The following ITPR3 variants were observed in gnomAD, a reference collection of about 807,000 sequenced individuals.
The protein encoded by ITPR3 is inositol 1,4,5-trisphosphate receptor type 3.
In ITPR3, 173 loss-of-function variants were observed where a neutral mutation model predicts 293.2. The ratio of observed to expected loss-of-function variants is 0.59; its 90% CI spans 0.52 to 0.67. ITPR3 has a LOEUF of 0.67. Among genes scored for constraint, ITPR3 ranks in the 30% least tolerant of loss-of-function variants. The pLI is 0.00. For missense variants in ITPR3, 2,796 were observed against 3,592.1 expected, an observed-to-expected ratio of 0.78 and a Z score of 5.66; for synonymous variants, 1,295 against 1,444.4, an observed-to-expected ratio of 0.90 and a Z score of 2.35.
At position 33,666,056 on chromosome 6, in the gene ITPR3, G is replaced by T. The variant is rs1764602148; in HGVS notation, c.1551+80G>T. ...GCCTTCAACTGCAGGCTCATCCCCCGCTTTAACAAAAATCAGTATATATGG... is the reference window on the plus strand; with the variant it reads ...GCCTTCAACTGCAGGCTCATCCCCCTCTTTAACAAAAATCAGTATATATGG... On this transcript the variant is annotated intron_variant, in intron 14 of 57. Coordinates refer to ENST00000605930, the MANE Select transcript of ITPR3 (RefSeq NM_002224.4). The surrounding 1 kb of genome is among the most constrained non-coding windows in gnomAD (Gnocchi z 5.1). 3.3e-6 allele frequency: 5 copies of T among 1,498,632 alleles called. No individual in the cohort carries two copies. In the South Asian group the frequency reaches 6.2e-5, roughly 18 times the overall value. 92.8% of individuals were successfully genotyped at this position (1,498,632 alleles called of 1,614,324 possible).
Position 33,666,118 on chromosome 6 carries a change from C to T in ITPR3, c.1551+142C>T. The T allele has an allele frequency of 1.1e-6, 1 of 941,390 alleles. No homozygotes were observed. The highest frequency in any genetic ancestry group is 1.5e-6 in the Non-Finnish European group (1 of 655,232). The allele number at this position is 941,390 out of a possible 1,614,324, so 58.3% of individuals were successfully genotyped here. ...GTGCCAGGGACTTCCCTAAGTACCCCACATGTGTTGACGAATTTGATCCTC... is the reference window on the plus strand; with the variant it reads ...GTGCCAGGGACTTCCCTAAGTACCCTACATGTGTTGACGAATTTGATCCTC... On this transcript the variant is annotated intron_variant, in intron 14 of 57. Coordinates refer to ENST00000605930, the MANE Select transcript of ITPR3 (RefSeq NM_002224.4). The surrounding 1 kb of genome is among the most constrained non-coding windows in gnomAD (Gnocchi z 5.1).
chr6:33,680,528 C>T, intron 32 of ITPR3, 27 bp from the exon 33 acceptor site: 1 of 1,611,892 alleles, frequency 6.2e-7, no homozygotes, highest in Non-Finnish European at 8.5e-7. Flanking sequence ...GTGAGGAGCC[C>T]CCAGCCATCC....
At chr6:33,690,244 G>C in intron 51 of ITPR3, 46 bp downstream of exon 51, 1 of 1,475,612 alleles carries the variant, frequency 6.8e-7, no homozygotes, top group Non-Finnish European at 9.4e-7. Flanking sequence ...GCATGGGGTG[G>C]TTGGGGCTTC....
At position 33,678,794 on chromosome 6, in the gene ITPR3, C is replaced by T. The variant is rs760674810; in HGVS notation, c.3927C>T (p.Ala1309=). Reference sequence around the variant, plus strand: ...ACTTCCTGCACACCGTCATTAAGGCCGAGGGCAAGTACGTCAAGAAGTGCC... The same window carrying T: ...ACTTCCTGCACACCGTCATTAAGGCTGAGGGCAAGTACGTCAAGAAGTGCC... ...YLDFLHTVIK[A]EGKYVKKCQD... Residue 1309 remains alanine, a synonymous_variant, in exon 30 of 58, where the codon GCC becomes GCT. Coordinates refer to ENST00000605930, the MANE Select transcript of ITPR3 (RefSeq NM_002224.4). The T allele has an allele frequency of 1.1e-5, 17 of 1,613,316 alleles. No homozygotes were observed. Among genetic ancestry groups the T allele is most frequent in the Middle Eastern group, 1.6e-4 (1 of 6,084 alleles).
intron 2 of ITPR3, among the ~76,000 whole-genome samples, chr6:33,644,025 A>G (rs1007255879): frequency 2.0e-5 from 3 of 152,162 alleles, no homozygotes; most frequent in Non-Finnish European, 4.4e-5. Flanking sequence ...CCCTGTCTCT[A>G]CTAAGAACAC....
Position 33,672,911 on chromosome 6 carries a change from G to A in ITPR3, c.2929-680G>A, listed in dbSNP as rs557324750. Among the ~76,000 whole-genome samples, 1 of 152,304 alleles carries A rather than the reference G, an allele frequency of 6.6e-6. No homozygotes were observed. Among genetic ancestry groups the A allele is most frequent in the South Asian group, 2.1e-4 (1 of 4,830 alleles). ...ACACCCCAGGAAGGGGCTCATCCCC[G>A]AGGAGGGATGAGGATGCTTGCTTTT... On this transcript the variant is annotated intron_variant, in intron 22 of 57. Transcript: ENST00000605930. This position sits in a 1 kb window ranked among gnomAD's most constrained non-coding sequence, Gnocchi z 5.0.
intron 1 of ITPR3, among the ~76,000 whole-genome samples, chr6:33,623,415 C>T (rs1159225541): frequency 1.3e-5 from 2 of 150,826 alleles, no homozygotes; most frequent in African/African-American, 2.4e-5. Context: ...CAGCCTCGAC[C>T]TCTGGGGTTC....
At chr6:33,660,447 A>T (rs545884639) in intron 7 of ITPR3, among the ~76,000 whole-genome samples, 3 of 150,692 alleles carry the variant, frequency 2.0e-5, no homozygotes, top group Admixed American at 6.6e-5. Context: ...TCAGTCCCCC[A>T]CCCTCCTCAT....
chr6:33,669,825 C>T (rs1764709138), intron 18 of ITPR3, among the ~76,000 whole-genome samples: 1 of 152,208 alleles, frequency 6.6e-6, no homozygotes, highest in African/African-American at 2.4e-5. Flanking sequence ...AGCCAGGGCC[C>T]ACACCCAGGC....
intron 7 of ITPR3, 127 bp downstream of exon 7, chr6:33,659,676 C>A: frequency 1.4e-6 from 1 of 718,258 alleles, no homozygotes; most frequent in Non-Finnish European, 2.4e-6. Context: ...CACCCCCCAG[C>A]CTCCCTCCAC....
At position 33,689,073 on chromosome 6, in the gene ITPR3, C is replaced by T. The variant is rs2296738; in HGVS notation, c.6695-165C>T. ...GTAGCCGCAGCCGGACAGGGCCTCC[C>T]GCTTAGGCCTGAGAGGCAGGTGTAA... On this transcript the variant is annotated intron_variant, in intron 49 of 57. Transcript: ENST00000605930. 0.43 allele frequency among the ~76,000 whole-genome samples: 65,613 copies of T among 152,246 alleles called. 16,677 individuals carry two copies. Among genetic ancestry groups the T allele is most frequent in the East Asian group, 0.89 (4,609 of 5,174 alleles).
In ITPR3 at chr6:33,680,093, A is replaced by G. The variant is rs765261093; in HGVS notation, c.4184A>G (p.Asp1395Gly). 1 of 1,613,574 alleles carries G rather than the reference A, an allele frequency of 6.2e-7. No homozygotes were observed. Among genetic ancestry groups the G allele is most frequent in the East Asian group, 2.2e-5 (1 of 44,880 alleles). Reference protein sequence around the residue: ...IKCTSLLPLEDVVSVVTHEDC... With the variant: ...IKCTSLLPLEGVVSVVTHEDC... ...TGCACCTCCCTGCTGCCGCTGGAGGACGTGGTGTCTGTGGTGACGCATGAG... is the reference window on the plus strand; with the variant it reads ...TGCACCTCCCTGCTGCCGCTGGAGGGCGTGGTGTCTGTGGTGACGCATGAG... Residue 1395 changes from aspartate (D) to glycine (G), a missense_variant, in exon 31 of 58, where the codon GAC becomes GGC. Transcript: ENST00000605930.
At chr6:33,629,286 C>T (rs1333407435) in intron 1 of ITPR3, among the ~76,000 whole-genome samples, 2 of 152,120 alleles carry the variant, frequency 1.3e-5, no homozygotes, top group Non-Finnish European at 2.9e-5. Context: ...GTTGTGATCA[C>T]ACCAATTAAT....
intron 30 of ITPR3, 144 bp downstream of exon 30, chr6:33,678,983 G>C (rs1245050468): frequency 2.4e-6 from 2 of 840,082 alleles, no homozygotes; most frequent in South Asian, 3.3e-5. Flanking sequence ...GGGACGCAGA[G>C]GGAGAAGTGA....
In ITPR3 at chr6:33,682,498, G is replaced by C. The variant is rs1765104185; in HGVS notation, c.4477-26G>C. The C allele has an allele frequency of 6.7e-7, 1 of 1,494,466 alleles. No individual in the cohort carries two copies. The highest frequency in any genetic ancestry group is 1.3e-5 in the South Asian group (1 of 74,134). 92.6% of individuals were successfully genotyped at this position (1,494,466 alleles called of 1,614,324 possible). A position where few individuals can be genotyped will look rare whatever the true frequency, so the allele number is the denominator to read the frequency against. ...GCCCAGGGTGGGGGCCTGGGCTGCAGCAGCGGGCTCTGTGACTTCTTGCAG... is the reference window on the plus strand; with the variant it reads ...GCCCAGGGTGGGGGCCTGGGCTGCACCAGCGGGCTCTGTGACTTCTTGCAG... On this transcript the variant is annotated intron_variant, in intron 33 of 57. Transcript: ENST00000605930. This position sits in a 1 kb window ranked among gnomAD's most constrained non-coding sequence, Gnocchi z 5.4.
Position 33,686,036 on chromosome 6 carries a change from C to G in ITPR3, c.5668-17C>G, listed in dbSNP as rs182089038. The G allele has an allele frequency of 4.3e-6, 7 of 1,613,354 alleles. No homozygotes were observed. The highest frequency in any genetic ancestry group is 4.0e-5 in the African/African-American group (3 of 74,942). On this transcript the variant is annotated splice_polypyrimidine_tract_variant and intron_variant, in intron 41 of 57. Transcript: ENST00000605930. ...GTGCTGTAGCTGTGCTGTGCCCAACCCTTCTGTGCCCCGCAGAACTTCCTG... is the reference window on the plus strand; with the variant it reads ...GTGCTGTAGCTGTGCTGTGCCCAACGCTTCTGTGCCCCGCAGAACTTCCTG...
Position 33,688,310 on chromosome 6 carries a change from G to A in ITPR3, c.6447G>A (p.Glu2149=). The change falls in exon 48 of 58, where the codon GAG becomes GAA. Residue 2149 remains glutamate, a synonymous_variant. Coordinates refer to ENST00000605930, the MANE Select transcript of ITPR3 (RefSeq NM_002224.4). ...CCGGCATCTGCCAGTTCCTGACGGA[G>A]GAAACCAAGCACCGGCTCTTCACCA... ...PVPGICQFLT[E]ETKHRLFTTT... is the part of the protein sequence containing the mutation. The A allele has an allele frequency of 1.2e-6, 2 of 1,614,194 alleles. No homozygotes were observed. Among genetic ancestry groups the A allele is most frequent in the South Asian group, 1.1e-5 (1 of 91,088 alleles).
At chr6:33,660,562 G>A (rs1764437184) in intron 7 of ITPR3, among the ~76,000 whole-genome samples, 1 of 151,908 alleles carries the variant, frequency 6.6e-6, no homozygotes, top group African/African-American at 2.4e-5. Flanking sequence ...ATTAATCAAG[G>A]TGCAGCCATG....
At chr6:33,661,926 G>A (rs1764478656) in intron 7 of ITPR3, among the ~76,000 whole-genome samples, 1 of 142,338 alleles carries the variant, frequency 7.0e-6, no homozygotes, top group African/African-American at 2.5e-5. Flanking sequence ...AACCCAGGAG[G>A]CGAAGGTTGC....
Sources: allele counts gnomAD v4.1 joint callset (sites outside exome capture counted in the v4.1 genomes callset), GRCh38; gene constraint gnomAD v4.1.1; non-coding constraint Gnocchi (gnomAD v3.1); transcripts MANE v1.5; gene names NCBI Gene and HGNC (gene_info 2026-07-23, HGNC 2026-07-21).